MYCBP2: variants seen among roughly 807,000 people sequenced by gnomAD.
MYCBP2 encodes the protein E3 ubiquitin-protein ligase MYCBP2.
A neutral mutation model predicts 525.3 loss-of-function variants in MYCBP2; 120 were observed. That is an observed-to-expected ratio of 0.23 (90% CI 0.20 to 0.27). The LOEUF (loss-of-function observed/expected upper bound fraction) is 0.27, where lower values mean the gene tolerates loss of function less well. Among genes scored for constraint, MYCBP2 ranks in the 10% least tolerant of loss-of-function variants. MYCBP2 has a pLI of 1.00. For missense variants in MYCBP2, 4,149 were observed against 5,657.1 expected (o/e 0.73, Z 8.55); for synonymous variants, 1,894 against 1,955.8 (o/e 0.97, Z 0.83).
chr13:77,226,372 T>G (rs1220185033), intron 18 of MYCBP2, among the ~76,000 whole-genome samples: 1 of 152,216 alleles, frequency 6.6e-6, no homozygotes. Flanking sequence ...TATAAAAATT[T>G]TTGTTTGGAA....
At chr13:77,324,667 AC>A (rs768247665) in intron 1 of MYCBP2, among the ~76,000 whole-genome samples, 11 of 152,246 alleles carry the variant, frequency 7.2e-5, no homozygotes, top group Non-Finnish European at 1.5e-4. Context: ...GACGGCTTGT[AC>A]AAAAATGGAC....
chr13:77,140,365 T>C (rs978164263), intron 50 of MYCBP2, among the ~76,000 whole-genome samples: 6 of 152,244 alleles, frequency 3.9e-5, no homozygotes, highest in Non-Finnish European at 1.5e-5. Flanking sequence ...TGTGTATTAC[T>C]GAAAATAAAG....
At chr13:77,300,654 T>G (rs2078689139) in intron 1 of MYCBP2, among the ~76,000 whole-genome samples, 1 of 152,166 alleles carries the variant, frequency 6.6e-6, no homozygotes, top group African/African-American at 2.4e-5. Context: ...CAGATAAAAC[T>G]ATTCAAAACA....
intron 37 of MYCBP2, among the ~76,000 whole-genome samples, chr13:77,172,569 AG>A (rs2059248850): frequency 6.6e-6 from 1 of 152,188 alleles, no homozygotes; most frequent in African/African-American, 2.4e-5. Context: ...GTTAGCAGGT[AG>A]AGGTTGCAGT....
chr13:77,145,003 A>G (rs2055297504), intron 48 of MYCBP2, among the ~76,000 whole-genome samples: 1 of 152,102 alleles, frequency 6.6e-6, no homozygotes, highest in Non-Finnish European at 1.5e-5. Flanking sequence ...ATTACTCTCA[A>G]TTTAGTGAAT....
At chr13:77,191,557 G>A in intron 28 of MYCBP2, 122 bp downstream of exon 28, 1 of 1,162,392 alleles carries the variant, frequency 8.6e-7, no homozygotes, top group Non-Finnish European at 1.2e-6. Flanking sequence ...ATTTTTAGCA[G>A]TTATATTATG....
At chr13:77,196,029 T>C (rs755086644) in intron 26 of MYCBP2, among the ~76,000 whole-genome samples, 2 of 152,192 alleles carry the variant, frequency 1.3e-5, no homozygotes, top group African/African-American at 4.8e-5. Context: ...TTGGGGGCTA[T>C]TGGGAGTAAG....
chr13:77,122,689 CAAA>C (rs771487864), intron 54 of MYCBP2, among the ~76,000 whole-genome samples: 4 of 52,378 alleles, frequency 7.6e-5, no homozygotes, highest in Non-Finnish European at 8.7e-5. Context: ...GACTCCATCT[CAAA>C]AAAAAAAAAA....
chr13:77,174,277 A>G (rs766907679), intron 37 of MYCBP2, 34 bp downstream of exon 37: 34 of 1,604,096 alleles, frequency 2.1e-5, no homozygotes, highest in African/African-American at 1.2e-4. Flanking sequence ...CTACCACTGT[A>G]AAGTATTTCC....
chr13:77,124,074 G>A (rs1441424268), intron 54 of MYCBP2, among the ~76,000 whole-genome samples: 1 of 152,268 alleles, frequency 6.6e-6, no homozygotes, highest in East Asian at 1.9e-4. Flanking sequence ...AACAAGGAGA[G>A]GAGGTAGGTT....
chr13:77,127,359 T>G (rs1224240005), intron 52 of MYCBP2, among the ~76,000 whole-genome samples: 1 of 151,996 alleles, frequency 6.6e-6, no homozygotes, highest in Non-Finnish European at 1.5e-5. Context: ...AATGCTGTGA[T>G]AAAATTGTTT....
At chr13:77,282,179 G>A (rs1399732502) in intron 3 of MYCBP2, among the ~76,000 whole-genome samples, 3 of 152,262 alleles carry the variant, frequency 2.0e-5, no homozygotes, top group Admixed American at 1.3e-4. Flanking sequence ...GGGAGGCCAA[G>A]GTTGGGAGAT....
At chr13:77,244,277 T>C (rs984175287) in intron 15 of MYCBP2, among the ~76,000 whole-genome samples, 4 of 152,174 alleles carry the variant, frequency 2.6e-5, no homozygotes, top group African/African-American at 7.2e-5. Flanking sequence ...CCAGAAGCTT[T>C]AGGATTAAGT....
At chr13:77,102,603 T>C (rs2047242234) in intron 55 of MYCBP2, among the ~76,000 whole-genome samples, 1 of 151,452 alleles carries the variant, frequency 6.6e-6, no homozygotes, top group African/African-American at 2.4e-5. Context: ...TTGTCAATTG[T>C]CAATAGTTTA....
chr13:77,071,225 A>G (rs2041166615), intron 68 of MYCBP2, among the ~76,000 whole-genome samples: 1 of 41,298 alleles, frequency 2.4e-5, no homozygotes, highest in Non-Finnish European at 6.0e-5. Flanking sequence ...CCACATATGT[A>G]TATATGTGTG....
rs990341564 is a variant in MYCBP2, at chr13:77,246,987, A to G, written c.2382-3036T>C. Among the ~76,000 whole-genome samples the G allele has an allele frequency of 2.6e-5, 4 of 152,184 alleles. No individual in the cohort carries two copies. In the South Asian group the frequency reaches 8.3e-4, roughly 32 times the overall value. On this transcript the variant is annotated intron_variant, in intron 15 of 82. Coordinates refer to ENST00000544440, the MANE Select transcript of MYCBP2 (RefSeq NM_015057.5). ...AATGATCTCAACATAAAAACCACAT[A>G]TGAAAAACACACAGTGAACATCATA...
Position 77,190,317 on chromosome 13 carries a change from C to G in MYCBP2, c.4089G>C (p.Lys1363Asn), listed in dbSNP as rs145809048. 6.2e-7 allele frequency: 1 copy of G among 1,608,388 alleles called. No homozygotes were observed. Among genetic ancestry groups the G allele is most frequent in the Non-Finnish European group, 8.5e-7 (1 of 1,176,178 alleles). ...TTDDGVVFQF[K>N]SSKKSNNGTD... ...TACCATTATTTGATTTCTTTGAACT[C>G]TTGAACTGGAAAACAACCCTAAGAA... Residue 1363 changes from lysine to asparagine, a missense_variant, in exon 29 of 83, where the codon AAG (lysine) becomes AAC (asparagine). Physicochemically the swap from Lys to Asn is moderately conservative, Grantham distance 94. This residue lies in a region of MYCBP2 where 620 missense variants were observed against 795.5 expected (regional missense o/e 0.78). Coordinates refer to ENST00000544440, the MANE Select transcript of MYCBP2 (RefSeq NM_015057.5).
chr13:77,245,340 G>A (rs1355893737), intron 15 of MYCBP2, among the ~76,000 whole-genome samples: 1 of 152,026 alleles, frequency 6.6e-6, no homozygotes, highest in Non-Finnish European at 1.5e-5. Context: ...CAATAGCAAA[G>A]ACTTGGAACC....
chr13:77,213,484 A>G (rs1593973027), intron 21 of MYCBP2, among the ~76,000 whole-genome samples: 1 of 150,614 alleles, frequency 6.6e-6, no homozygotes, highest in Non-Finnish European at 1.5e-5. Context: ...TCTCAAAAAG[A>G]AAAAAAAAAG....
Sources: allele counts gnomAD v4.1 joint callset (sites outside exome capture counted in the v4.1 genomes callset), GRCh38; gene constraint gnomAD v4.1.1; regional missense constraint gnomAD v4.1.1; transcripts MANE v1.5; gene names NCBI Gene and HGNC (gene_info 2026-07-23, HGNC 2026-07-21).